Variants in TRPC5 observed in about 807,000 individuals in gnomAD.
TRPC5 encodes transient receptor potential cation channel subfamily C member 5.
TRPC5 carries 9 observed loss-of-function variants against 56.5 expected under a neutral mutation model. The ratio of observed to expected loss-of-function variants is 0.16; its 90% CI spans 0.10 to 0.28. The LOEUF (loss-of-function observed/expected upper bound fraction) is 0.28, where lower values mean the gene tolerates loss of function less well. TRPC5 is among the 10% of genes least tolerant of loss of function. TRPC5 has a pLI of 1.00. For missense variants in TRPC5, 469 were observed against 748.9 expected, an observed-to-expected ratio of 0.63 and a Z score of 4.36; for synonymous variants, 282 against 278.5, an observed-to-expected ratio of 1.01 and a Z score of -0.13.
chrX:111,958,325 A>G (rs12844670), intron 1 of TRPC5, among the ~76,000 whole-genome samples: 2,452 of 111,725 alleles, frequency 0.022, 32 homozygotes, highest in Middle Eastern at 0.055. Flanking sequence ...AAGTTCTTCA[A>G]GAACTTATAA....
chrX:112,054,746 C>T lies in TRPC5; in HGVS notation c.-22+27133G>A, dbSNP rs528049597. On this transcript the variant is annotated intron_variant, in intron 1 of 10. Transcript: ENST00000262839. The stretch of plus-strand genomic sequence containing the variant: ...AACCACTCTGCTATTTATGACATTT[C>T]TCATACTGTCACCTCCTCTTGAGAA... Among the ~76,000 whole-genome samples the T allele has an allele frequency of 7.4e-4, 82 of 111,451 alleles. No homozygotes were observed. In the Middle Eastern group the frequency reaches 0.014, roughly 19 times the overall value.
chrX:111,802,836 ATATCTT>A (rs1291415577), intron 7 of TRPC5, among the ~76,000 whole-genome samples: 1 of 111,209 alleles, frequency 9.0e-6, no homozygotes, highest in Non-Finnish European at 1.9e-5. Flanking sequence ...TGTTATATCT[ATATCTT>A]TATTTATTTA....
At chrX:112,026,578 T>G (rs1929417294) in intron 1 of TRPC5, among the ~76,000 whole-genome samples, 1 of 111,975 alleles carries the variant, frequency 8.9e-6, no homozygotes, top group Non-Finnish European at 1.9e-5. Flanking sequence ...CTAGACTCTT[T>G]TTCAATAGTT....
At chrX:111,968,017 A>G (rs1311331323) in intron 1 of TRPC5, among the ~76,000 whole-genome samples, 1 of 111,132 alleles carries the variant, frequency 9.0e-6, no homozygotes, top group African/African-American at 3.3e-5. Flanking sequence ...AAAAGAAACC[A>G]CCATCAGAGT....
chrX:112,020,239 G>A (rs2147710403), intron 1 of TRPC5, among the ~76,000 whole-genome samples: 1 of 111,799 alleles, frequency 8.9e-6, no homozygotes, highest in Non-Finnish European at 1.9e-5. Context: ...CCATTTTTCA[G>A]ATGTATATTT....
chrX:112,069,420 C>A (rs908425390), intron 1 of TRPC5, among the ~76,000 whole-genome samples: 3 of 111,739 alleles, frequency 2.7e-5, no homozygotes, highest in African/African-American at 9.8e-5. Context: ...AAGGGGAATG[C>A]ATACTTGTCT....
chrX:112,047,578 C>T (rs149176939), intron 1 of TRPC5, among the ~76,000 whole-genome samples: 120 of 111,998 alleles, frequency 1.1e-3, no homozygotes, highest in African/African-American at 3.6e-3. Flanking sequence ...GGAGACAAAA[C>T]GACATGAAGT....
At chrX:111,959,650 G>A (rs1353076877) in intron 1 of TRPC5, among the ~76,000 whole-genome samples, 2 of 111,534 alleles carry the variant, frequency 1.8e-5, no homozygotes, top group African/African-American at 3.3e-5. Context: ...TGGGGTGGGG[G>A]ACATCAGGAG....
At chrX:111,967,828 TG>T (rs1369244800) in intron 1 of TRPC5, among the ~76,000 whole-genome samples, 1 of 112,165 alleles carries the variant, frequency 8.9e-6, no homozygotes, top group Non-Finnish European at 1.9e-5. Flanking sequence ...TAATTCAGGA[TG>T]TATTAAAGAC....
intron 2 of TRPC5, among the ~76,000 whole-genome samples, chrX:111,919,803 C>T (rs1053149513): frequency 9.0e-6 from 1 of 111,389 alleles, no homozygotes. Context: ...TGATGAGCTA[C>T]AAAAAAATCA....
intron 1 of TRPC5, among the ~76,000 whole-genome samples, chrX:112,006,526 C>T (rs962658782): frequency 2.7e-5 from 3 of 111,362 alleles, no homozygotes; most frequent in African/African-American, 9.8e-5. Flanking sequence ...TGCCCAAAGT[C>T]ATACAGCTAA....
intron 1 of TRPC5, among the ~76,000 whole-genome samples, chrX:111,969,857 G>A (rs1927731882): frequency 9.0e-6 from 1 of 110,990 alleles, no homozygotes; most frequent in Admixed American, 9.7e-5. Flanking sequence ...GACACTCTAG[G>A]TTCTTAAAGA....
chrX:111,967,499 C>A (rs951823881), intron 1 of TRPC5, among the ~76,000 whole-genome samples: 8 of 111,549 alleles, frequency 7.2e-5, no homozygotes, highest in African/African-American at 2.6e-4. Context: ...TCATAGCGAC[C>A]AAAAAAGAGC....
At chrX:111,782,512 G>A (rs1945927641) in intron 7 of TRPC5, among the ~76,000 whole-genome samples, 1 of 110,855 alleles carries the variant, frequency 9.0e-6, no homozygotes, top group South Asian at 3.8e-4. Flanking sequence ...ATATGCATCT[G>A]TCCAAGCCCT....
chrX:112,016,039 CAGCA>C lies in TRPC5; in HGVS notation c.-21-63602_-21-63599del, dbSNP rs765293223. Among the ~76,000 whole-genome samples the C allele has an allele frequency of 6.3e-3, 698 of 111,567 alleles. 5 individuals are homozygous for C. Among genetic ancestry groups the C allele is most frequent in the African/African-American group, 0.021 (652 of 30,698 alleles). ...AAACAAAGCCACCCTTAATCCAGGG[CAGCA>C]GACCAGGAAAAAAAATCTTTGGGGT... On this transcript the variant is annotated intron_variant, in intron 1 of 10. Transcript: ENST00000262839.
chrX:111,950,533 A>G (rs1344702895), intron 2 of TRPC5, among the ~76,000 whole-genome samples: 1 of 111,102 alleles, frequency 9.0e-6, no homozygotes, highest in Non-Finnish European at 1.9e-5. Context: ...GGGGGAGAGG[A>G]ATAAAAGACT....
At chrX:111,883,939 G>A (rs1215644610) in intron 3 of TRPC5, among the ~76,000 whole-genome samples, 5 of 112,742 alleles carry the variant, frequency 4.4e-5, no homozygotes, top group Non-Finnish European at 9.4e-5. Context: ...TATAGGCAGG[G>A]CTTCAGCCTA....
intron 1 of TRPC5, among the ~76,000 whole-genome samples, chrX:112,037,830 G>C (rs923392755): frequency 2.7e-5 from 3 of 111,813 alleles, no homozygotes; most frequent in Non-Finnish European, 5.6e-5. Context: ...CACACAAATT[G>C]CTGCATAATC....
chrX:111,892,724 GTCA>G (rs1312170286), intron 3 of TRPC5, among the ~76,000 whole-genome samples: 8 of 111,811 alleles, frequency 7.2e-5, no homozygotes, highest in African/African-American at 2.6e-4. Flanking sequence ...CAAGCTCAAA[GTCA>G]TCATCTAATA....
Sources: gnomAD v4.1 joint callset for allele counts (sites outside exome capture counted in the v4.1 genomes callset) on GRCh38, gnomAD v4.1.1 for gene constraint, MANE v1.5 for transcripts, NCBI Gene and HGNC (gene_info 2026-07-23, HGNC 2026-07-21) for gene names.